The following NLRC5 variants were observed in gnomAD, a reference collection of about 807,000 sequenced individuals.
NLRC5 encodes the protein NLR family CARD domain containing 5.
NLRC5 carries 114 observed loss-of-function variants against 206.9 expected under a neutral mutation model. The ratio of observed to expected loss-of-function variants is 0.55; its 90% CI spans 0.47 to 0.64. The LOEUF is 0.64. Among genes scored for constraint, NLRC5 ranks in the 30% least tolerant of loss-of-function variants. NLRC5 has a pLI of 0.00. For synonymous variants in NLRC5, 952 were observed against 962.8 expected (o/e 0.99, Z 0.21); for missense variants, 2,008 against 2,305.5 (o/e 0.87, Z 2.64).
At chr16:57,058,462 G>T in intron 28 of NLRC5, 1 of 409,040 alleles carries the variant, frequency 2.4e-6, no homozygotes, top group Non-Finnish European at 4.5e-6. Flanking sequence ...CAGCTGATGC[G>T]GGATTGCAGC....
In NLRC5 at chr16:57,076,920, C is replaced by T; in HGVS notation, c.4835+18C>T. On this transcript the variant is annotated intron_variant, in intron 40 of 48. Coordinates refer to ENST00000688547, the MANE Select transcript of NLRC5 (RefSeq NM_001384950.1). ...GAGCTGGAGTGAGTTGCCCATTCTG[C>T]CCCCAGACCCAGGACAATTTTGGCC... 4 of 1,609,834 alleles carry T rather than the reference C, an allele frequency of 2.5e-6. No homozygotes were observed. The highest frequency in any genetic ancestry group is 3.4e-6 in the Non-Finnish European group (4 of 1,176,666).
chr16:57,065,123 C>G, intron 32 of NLRC5, 89 bp from the exon 33 acceptor site: 1 of 825,200 alleles, frequency 1.2e-6, no homozygotes, highest in Non-Finnish European at 1.7e-6. Context: ...AGGTCCCCCC[C>G]TTGACACTCC....
intron 1 of NLRC5, among the ~76,000 whole-genome samples, chr16:57,002,438 G>A (rs1032659493): frequency 6.6e-6 from 1 of 151,816 alleles, no homozygotes; most frequent in Non-Finnish European, 1.5e-5. Context: ...GTGAGCTGCC[G>A]TGCCCAGCTG....
chr16:56,994,900 C>A (rs767208307), intron 1 of NLRC5, among the ~76,000 whole-genome samples: 1 of 152,162 alleles, frequency 6.6e-6, no homozygotes, highest in Non-Finnish European at 1.5e-5. Flanking sequence ...CTGGGCTGGG[C>A]GCAGTGGCTC....
Position 57,069,917 on chromosome 16 carries a change from G to A in NLRC5, c.4581G>A (p.Leu1527=). The change falls in exon 37 of 49, where the codon CTG becomes CTA. Residue 1527 remains leucine, a splice_region_variant and synonymous_variant. Transcript: ENST00000688547. ...GCCACTGCCACCACTTGGAGGAGCT[G>A]GAGTGAGTTGCAGAGTGGAGGGATT... is the stretch of plus-strand genomic sequence containing the variant. The part of the protein sequence containing the change: ...GLGHCHHLEE[L]DLSNNQFDEE... 1 of 1,573,036 alleles carries A rather than the reference G, an allele frequency of 6.4e-7. No homozygotes were observed.
chr16:57,039,935 A>G, intron 16 of NLRC5, 86 bp downstream of exon 16: 2 of 1,160,876 alleles, frequency 1.7e-6, no homozygotes, highest in South Asian at 2.6e-5. Flanking sequence ...CCAGTCAGTC[A>G]ACTGCCAGGG....
rs2063036097 is a variant in NLRC5, at chr16:57,039,658, A to G, written c.2802-123A>G. ...CTTGAGCCCAGGAGGTGGAGGCTTC[A>G]GTGAGCCATGATTGCACCACTGCAC... is the stretch of plus-strand genomic sequence containing the variant. On this transcript the variant is annotated intron_variant, in intron 15 of 48. Transcript: ENST00000688547. 4.9e-6 allele frequency: 4 copies of G among 815,362 alleles called. No individual in the cohort carries two copies. The South Asian group carries it at 6.2e-5, about 13-fold the overall frequency. The allele number at this position is 815,362 out of a possible 1,614,324, so 50.5% of individuals were successfully genotyped here.
At chr16:56,991,843 G>T (rs1417989477) in intron 1 of NLRC5, 1 of 152,076 alleles carries the variant, frequency 6.6e-6, no homozygotes, top group East Asian at 1.9e-4. Flanking sequence ...GAGTTCAATT[G>T]TGCCTCCCCA....
At chr16:57,041,262 C>T (rs1567585845) in intron 17 of NLRC5, 1 of 537,080 alleles carries the variant, frequency 1.9e-6, no homozygotes, top group African/African-American at 1.9e-5. Context: ...GCCTTGGTTT[C>T]CTTCCATCTG....
In NLRC5 at chr16:57,077,377, A is replaced by G; in HGVS notation, c.4917A>G (p.Ile1639Met). Residue 1639 changes from isoleucine to methionine, a missense_variant and splice_region_variant, in exon 41 of 49, where the codon ATA becomes ATG. By Grantham distance (10) the Ile-to-Met change is conservative. Coordinates refer to ENST00000688547, the MANE Select transcript of NLRC5 (RefSeq NM_001384950.1). ...CTGGGCTGCCAGAGCTCAGGAAGATAGAGTGAGTAGCCAGCCCTACAGAGG... is the reference window on the plus strand; with the variant it reads ...CTGGGCTGCCAGAGCTCAGGAAGATGGAGTGAGTAGCCAGCCCTACAGAGG... ...ILPGLPELRK[I>M]DLSGNSISSA... 6.2e-7 allele frequency: 1 copy of G among 1,613,802 alleles called. No homozygotes were observed. The highest frequency in any genetic ancestry group is 8.5e-7 in the Non-Finnish European group (1 of 1,179,828).
chr16:57,026,937 TCCAC>T lies in NLRC5; in HGVS notation c.1996_1999del (p.His666TrpfsTer17), dbSNP rs754074456. 1 of 1,614,098 alleles carries T rather than the reference TCCAC, an allele frequency of 6.2e-7. No homozygotes were observed. Among genetic ancestry groups the T allele is most frequent in the Non-Finnish European group, 8.5e-7 (1 of 1,180,000 alleles). ...ATCCTAGAGCACAGGGAGGCCCCCA[TCCAC>T]CTGGATTTTGATGGCTGTCCCCTGG... On this transcript the variant is annotated frameshift_variant, in exon 6 of 49. Coordinates refer to ENST00000688547, the MANE Select transcript of NLRC5 (RefSeq NM_001384950.1). LOFTEE classifies it high-confidence loss of function.
chr16:57,031,327 G>C, intron 10 of NLRC5, 77 bp from the exon 11 acceptor site: 1 of 1,490,174 alleles, frequency 6.7e-7, no homozygotes, highest in Non-Finnish European at 9.4e-7. Flanking sequence ...ATTTGGGGCA[G>C]AAAAGGGTGT....
rs375314985 is a variant in NLRC5, at chr16:57,033,673, C to T, written c.2543+4C>T. On this transcript the variant is annotated splice_donor_region_variant and intron_variant, in intron 12 of 48. Coordinates refer to ENST00000688547, the MANE Select transcript of NLRC5 (RefSeq NM_001384950.1). ...AGAGCAGAAGCTTGACGCTCAGGTACCTTGGAGGGATCTATTGCCTTAGGA... is the reference window on the plus strand; with the variant it reads ...AGAGCAGAAGCTTGACGCTCAGGTATCTTGGAGGGATCTATTGCCTTAGGA... 2 of 1,613,420 alleles carry T rather than the reference C, an allele frequency of 1.2e-6. No individual in the cohort carries two copies. Among genetic ancestry groups the T allele is most frequent in the Admixed American group, 3.3e-5 (2 of 60,010 alleles).
rs760350588 is a variant in NLRC5, at chr16:57,051,567, G to A, written c.3452G>A (p.Ser1151Asn). 1 of 1,614,082 alleles carries A rather than the reference G, an allele frequency of 6.2e-7. No homozygotes were observed. Among genetic ancestry groups the A allele is most frequent in the Middle Eastern group, 1.6e-4 (1 of 6,062 alleles). The change falls in exon 24 of 49, where the codon AGC becomes AAC. Residue 1151 changes from serine (S) to asparagine (N), a missense_variant. Physicochemically the swap from Ser to Asn is conservative, Grantham distance 46. Transcript: ENST00000688547. ...QLSCEFLSDQ[S>N]LETLLDCLPQ... is the part of the protein sequence containing the mutation. ...TCCTGTGAGTTCCTGAGTGACCAGA[G>A]CCTGGAGACTCTACTGGACTGCTTA...
At chr16:57,028,011 C>A in intron 6 of NLRC5, 61 bp from the exon 7 acceptor site, 2 of 1,172,800 alleles carry the variant, frequency 1.7e-6, no homozygotes, top group Non-Finnish European at 2.5e-6. Context: ...GAGGGGATGG[C>A]GATGACTTCT....
intron 1 of NLRC5, among the ~76,000 whole-genome samples, chr16:56,994,386 C>T (rs561006006): frequency 6.6e-5 from 10 of 152,308 alleles, no homozygotes; most frequent in African/African-American, 2.2e-4. Context: ...CACCACCTGC[C>T]ATCATGAGTG....
chr16:57,061,908 C>T, intron 32 of NLRC5: 1 of 1,526,002 alleles, frequency 6.6e-7, no homozygotes, highest in South Asian at 1.2e-5. Flanking sequence ...CACTGGAGGC[C>T]TGTGCTTTGG....
chr16:57,025,601 G>A lies in NLRC5; in HGVS notation c.658G>A (p.Gly220Ser), dbSNP rs1327207274. 3.1e-6 allele frequency: 5 copies of A among 1,614,068 alleles called. No individual in the cohort carries two copies. In the African/African-American group the frequency reaches 5.3e-5, roughly 17 times the overall value. The change falls in exon 6 of 49, where the codon GGC (glycine) becomes AGC (serine). Residue 220 changes from glycine to serine, a missense_variant. Transcript: ENST00000688547. ...CCTCTTCAACACCAGGGTTAACAAGGGCCCGAGGGTGACCGTGCTTTTGGG... is the reference window on the plus strand; with the variant it reads ...CCTCTTCAACACCAGGGTTAACAAGAGCCCGAGGGTGACCGTGCTTTTGGG... ...SDLFNTRVNKGPRVTVLLGKA... is the reference protein window; with the variant it reads ...SDLFNTRVNKSPRVTVLLGKA...
rs371674529 is a variant in NLRC5, at chr16:57,041,581, G to A, written c.3029+7G>A. The A allele has an allele frequency of 6.2e-7, 1 of 1,613,368 alleles. No homozygotes were observed. The highest frequency in any genetic ancestry group is 8.5e-7 in the Non-Finnish European group (1 of 1,179,360). ...TCGGTCACCTCCACCTCGAGTGAGT[G>A]GTTTGTGTGTTGGAAGGTGGGTGGG... On this transcript the variant is annotated splice_region_variant and intron_variant, in intron 18 of 48. Transcript: ENST00000688547.
Sources: gnomAD v4.1 joint callset for allele counts (sites outside exome capture counted in the v4.1 genomes callset) on GRCh38, gnomAD v4.1.1 for gene constraint, MANE v1.5 for transcripts, NCBI Gene and HGNC (gene_info 2026-07-23, HGNC 2026-07-21) for gene names.